FAM107B: variants seen among roughly 807,000 people sequenced by gnomAD.
FAM107B encodes family with sequence similarity 107 member B.
A neutral mutation model predicts 31.5 loss-of-function variants in FAM107B; 21 were observed. That is an observed-to-expected ratio of 0.67 (90% CI 0.47 to 0.96). The LOEUF is 0.96. Among genes scored for constraint, FAM107B ranks in the 40% least tolerant of loss-of-function variants. FAM107B has a pLI of 0.00. For missense variants in FAM107B, 452 were observed against 377.1 expected, an observed-to-expected ratio of 1.20 and a Z score of -1.64; for synonymous variants, 157 against 141.5, an observed-to-expected ratio of 1.11 and a Z score of -0.78.
chr10:14,663,887 C>CAAAAAAAAAAAA (rs3035297), intron 2 of FAM107B, among the ~76,000 whole-genome samples: 1 of 80,384 alleles, frequency 1.2e-5, no homozygotes, highest in African/African-American at 5.7e-5. Flanking sequence ...GATCATCAGC[C>CAAAAAAAAAAAA]AAAAAAAAAA....
At chr10:14,662,813 T>C (rs2131466776) in intron 2 of FAM107B, among the ~76,000 whole-genome samples, 1 of 152,284 alleles carries the variant, frequency 6.6e-6, no homozygotes, top group Admixed American at 6.5e-5. Flanking sequence ...TGGTTAATAT[T>C]GAGTGTCAAC....
chr10:14,695,031 T>A (rs1294962318), intron 1 of FAM107B, among the ~76,000 whole-genome samples: 3 of 152,148 alleles, frequency 2.0e-5, no homozygotes, highest in Non-Finnish European at 2.9e-5. Flanking sequence ...ATTTTCAATC[T>A]TATGGCCTAA....
At chr10:14,734,530 G>A (rs1856253050) in intron 1 of FAM107B, among the ~76,000 whole-genome samples, 1 of 148,616 alleles carries the variant, frequency 6.7e-6, no homozygotes, top group Non-Finnish European at 1.5e-5. Context: ...GTTAGTGTTA[G>A]TGTATTTTAT....
chr10:14,626,813 C>G lies in FAM107B; in HGVS notation c.469+40821G>C, dbSNP rs926286022. ...GCTGCTTGGTTCCTTTAAGAGACTCCGTGTATCTCAGCAAAGCTCTTTGGC... is the reference window on the plus strand; with the variant it reads ...GCTGCTTGGTTCCTTTAAGAGACTCGGTGTATCTCAGCAAAGCTCTTTGGC... On this transcript the variant is annotated intron_variant, in intron 2 of 4. Coordinates refer to ENST00000181796, the MANE Select transcript of FAM107B (RefSeq NM_031453.4). Among the ~76,000 whole-genome samples, 12 of 152,146 alleles carry G rather than the reference C, an allele frequency of 7.9e-5. No individual in the cohort carries two copies. The South Asian group carries it at 1.9e-3, about 24-fold the overall frequency.
intron 2 of FAM107B, among the ~76,000 whole-genome samples, chr10:14,583,097 A>AG (rs1408156325): frequency 6.6e-6 from 1 of 151,882 alleles, no homozygotes; most frequent in African/African-American, 2.4e-5. Context: ...AAAAAAAAAA[A>AG]AAAAAAAGAA....
intron 1 of FAM107B, among the ~76,000 whole-genome samples, chr10:14,714,378 T>C (rs1855734228): frequency 6.6e-6 from 1 of 152,220 alleles, no homozygotes; most frequent in African/African-American, 2.4e-5. Flanking sequence ...CACAGAGGTT[T>C]GGTGGACTGG....
chr10:14,604,360 G>A (rs1354975385), intron 2 of FAM107B: 8 of 572,294 alleles, frequency 1.4e-5, no homozygotes, highest in Non-Finnish European at 1.8e-5. Flanking sequence ...CTCCGGGGGC[G>A]GCGGCCCGGC....
At chr10:14,604,130 G>GCCCC in intron 2 of FAM107B, 2 of 641,438 alleles carry the variant, frequency 3.1e-6, no homozygotes, top group Non-Finnish European at 3.9e-6. Flanking sequence ...CACCCGCCCG[G>GCCCC]CCGCCCGCCC....
intron 2 of FAM107B, among the ~76,000 whole-genome samples, chr10:14,656,334 T>C (rs1361335490): frequency 6.6e-6 from 1 of 152,240 alleles, no homozygotes; most frequent in African/African-American, 2.4e-5. Flanking sequence ...TTGAAGGTTT[T>C]CAGGAAAACA....
intron 2 of FAM107B, among the ~76,000 whole-genome samples, chr10:14,625,534 G>A (rs1853137722): frequency 6.6e-6 from 1 of 152,102 alleles, no homozygotes; most frequent in African/African-American, 2.4e-5. Context: ...ATAAGAACAG[G>A]GAAACAGGAG....
At chr10:14,671,551 TC>T (rs1167845298) in intron 1 of FAM107B, among the ~76,000 whole-genome samples, 2 of 152,112 alleles carry the variant, frequency 1.3e-5, no homozygotes, top group Non-Finnish European at 2.9e-5. Flanking sequence ...GGGGACCCCC[TC>T]CCATCTCGCT....
intron 1 of FAM107B, among the ~76,000 whole-genome samples, chr10:14,769,675 C>G (rs35048595): frequency 0.019 from 2,862 of 152,198 alleles, 94 homozygotes; most frequent in African/African-American, 0.064. Context: ...CGTGAGCCAC[C>G]GCGCCCGGCC....
intron 3 of FAM107B, chr10:14,522,280 G>T (rs772211387): frequency 2.2e-6 from 1 of 445,408 alleles, no homozygotes; most frequent in African/African-American, 2.0e-5. Context: ...AAGACACTAG[G>T]CTACGCAAAG....
intron 2 of FAM107B, among the ~76,000 whole-genome samples, chr10:14,609,060 C>G (rs1852663624): frequency 6.6e-6 from 1 of 152,062 alleles, no homozygotes; most frequent in Non-Finnish European, 1.5e-5. Context: ...ATTGATAGGT[C>G]AAAGAAAATA....
chr10:14,557,541 T>C (rs1849807978), intron 2 of FAM107B, among the ~76,000 whole-genome samples: 1 of 151,976 alleles, frequency 6.6e-6, no homozygotes, highest in Admixed American at 6.5e-5. Context: ...TTGATTAAAA[T>C]GGGATTCTTT....
chr10:14,528,336 C>G (rs1402645852), intron 3 of FAM107B, among the ~76,000 whole-genome samples: 1 of 151,922 alleles, frequency 6.6e-6, no homozygotes, highest in Non-Finnish European at 1.5e-5. Context: ...CATGTGCCAC[C>G]AAGCCCGGCT....
intron 1 of FAM107B, among the ~76,000 whole-genome samples, chr10:14,708,190 T>C (rs1210415960): frequency 6.6e-6 from 1 of 152,122 alleles, no homozygotes; most frequent in Non-Finnish European, 1.5e-5. Context: ...AGATTCTCCT[T>C]TCTCAGCCTC....
At chr10:14,590,819 T>TAAA (rs56825676) in intron 2 of FAM107B, among the ~76,000 whole-genome samples, 4 of 141,666 alleles carry the variant, frequency 2.8e-5, no homozygotes, top group Non-Finnish European at 3.1e-5. Context: ...CTGTCTCTAC[T>TAAA]AAAAAAAAAA....
chr10:14,756,811 C>G (rs940534699), intron 1 of FAM107B, among the ~76,000 whole-genome samples: 13 of 152,076 alleles, frequency 8.5e-5, no homozygotes, highest in African/African-American at 3.1e-4. Context: ...ATATATGCAC[C>G]ATGGATTACT....
Sources: allele counts gnomAD v4.1 joint callset (sites outside exome capture counted in the v4.1 genomes callset), GRCh38; gene constraint gnomAD v4.1.1; transcripts MANE v1.5; gene names NCBI Gene and HGNC (gene_info 2026-07-23, HGNC 2026-07-21).